Variants in ABR observed in about 807,000 individuals in gnomAD.
ABR encodes the protein active breakpoint cluster region-related protein.
A neutral mutation model predicts 107.2 loss-of-function variants in ABR; 35 were observed. The observed-to-expected ratio is 0.33, with a 90% CI of 0.25 to 0.43. ABR has a LOEUF of 0.43. Ranked by LOEUF, ABR falls within the 20% of genes least tolerant of loss-of-function variation. The probability of loss-of-function intolerance (pLI) is 1.00; values close to 1 mark genes in which losing one functional copy is unlikely to be tolerated. For missense variants in ABR, 815 were observed against 1,115.2 expected (o/e 0.73, Z 3.83); for synonymous variants, 498 against 462.0 (o/e 1.08, Z -1.00).
intron 16 of ABR, among the ~76,000 whole-genome samples, chr17:1,046,208 G>A (rs535770701): frequency 5.9e-5 from 9 of 151,464 alleles, no homozygotes; most frequent in African/African-American, 2.2e-4. Context: ...GTTTCGCCAT[G>A]TTGGCCAGGC....
chr17:1,009,571 C>CGTT, intron 21 of ABR, 108 bp downstream of exon 21: 1 of 916,760 alleles, frequency 1.1e-6, no homozygotes. Flanking sequence ...GGCCACTCCC[C>CGTT]GTTACCTTTT....
At chr17:1,167,326 G>A (rs909843514) in intron 1 of ABR, among the ~76,000 whole-genome samples, 4 of 151,462 alleles carry the variant, frequency 2.6e-5, no homozygotes, top group African/African-American at 4.9e-5. Context: ...AGAGCACTTC[G>A]TCTCTTCATA....
chr17:1,144,687 TTC>T (rs2040457374), intron 1 of ABR, among the ~76,000 whole-genome samples: 1 of 150,904 alleles, frequency 6.6e-6, no homozygotes, highest in Non-Finnish European at 1.5e-5. Context: ...AGGTCAGGAG[TTC>T]GAGACCAGCC....
At chr17:1,022,125 A>C (rs1216206235) in intron 16 of ABR, among the ~76,000 whole-genome samples, 1 of 150,886 alleles carries the variant, frequency 6.6e-6, no homozygotes. Flanking sequence ...AAAAAAAAAA[A>C]CAGAAAATGA....
rs544844663 is a variant in ABR at position 1,179,820 on chromosome 17, C to G, written c.-93G>C. On this transcript the variant is annotated 5_prime_UTR_variant, in exon 1 of 23. Coordinates refer to ENST00000302538, the MANE Select transcript of ABR (RefSeq NM_021962.5). This position sits in a 1 kb window ranked among gnomAD's most constrained non-coding sequence, Gnocchi z 4.9. ...CGGGAGCCGGGGGAGGCCGAAGTTG[C>G]GAGCGCGGAGGGGCGAGGAGGCCGG... 4.7e-6 allele frequency: 6 copies of G among 1,285,774 alleles called. No homozygotes were observed. Among genetic ancestry groups the G allele is most frequent in the South Asian group, 3.6e-5 (2 of 55,800 alleles). The allele number at this position is 1,285,774 out of a possible 1,614,324, so 79.6% of individuals were successfully genotyped here.
rs931766169 is a variant in ABR at position 1,154,785 on chromosome 17, T to A, written c.61+24882A>T. On this transcript the variant is annotated intron_variant, in intron 1 of 22. Coordinates refer to ENST00000302538, the MANE Select transcript of ABR (RefSeq NM_021962.5). The surrounding 1 kb of genome is among the most constrained non-coding windows in gnomAD (Gnocchi z 4.0). ...CGCCCTCCCAAGGCCGGTGTCCTGGTGACGATGCCACTAGTGCCAAGAATG... is the reference window on the plus strand; with the variant it reads ...CGCCCTCCCAAGGCCGGTGTCCTGGAGACGATGCCACTAGTGCCAAGAATG... The A allele has an allele frequency of 1.3e-5, 2 of 152,276 alleles. No homozygotes were observed. Among genetic ancestry groups the A allele is most frequent in the Non-Finnish European group, 2.9e-5 (2 of 68,150 alleles). 9.4% of individuals were successfully genotyped at this position (152,276 alleles called of 1,614,324 possible).
chr17:1,219,162 C>T (rs2043068395), intron 1 of ABR, among the ~76,000 whole-genome samples: 2 of 152,120 alleles, frequency 1.3e-5, no homozygotes, highest in Admixed American at 6.6e-5. Context: ...CCTGCCTCAG[C>T]CTCTCGAGTA....
At chr17:1,044,576 G>C (rs1238425179) in intron 16 of ABR, among the ~76,000 whole-genome samples, 1 of 151,906 alleles carries the variant, frequency 6.6e-6, no homozygotes, top group Non-Finnish European at 1.5e-5. Context: ...GCGTGAACCT[G>C]GGAGGCAGAG....
chr17:1,072,839 A>AG (rs923293705), intron 7 of ABR, 85 bp from the exon 8 acceptor site: 109 of 1,493,940 alleles, frequency 7.3e-5, no homozygotes, highest in Admixed American at 4.8e-4. Context: ...CCCCATCCAA[A>AG]GGGTGGGCAC....
intron 1 of ABR, among the ~76,000 whole-genome samples, chr17:1,178,893 C>T (rs1272408798): frequency 6.6e-6 from 1 of 151,934 alleles, no homozygotes; most frequent in Admixed American, 6.5e-5. Context: ...CGCCCCAAGC[C>T]CCCCCACACC....
intron 1 of ABR, among the ~76,000 whole-genome samples, chr17:1,145,141 T>C (rs935970235): frequency 9.9e-5 from 15 of 152,240 alleles, no homozygotes; most frequent in African/African-American, 3.6e-4. Context: ...GTGGTGGCCC[T>C]CTTCTGCTCA....
At position 1,203,457 on chromosome 17, in the gene ABR, C is replaced by T. The variant is rs1161845401; in HGVS notation, c.838+25336G>A. On this transcript the variant is annotated intron_variant, in intron 1 of 22. Coordinates refer to the ABR transcript ENST00000574139. ...GGGGACGGAGTCTGCGGGGGCGGGG[C>T]CCGCGGGGACGGAGTCTGCGGGGGC... is the stretch of plus-strand genomic sequence containing the variant. Among the ~76,000 whole-genome samples, 30 of 16,592 alleles carry T rather than the reference C, an allele frequency of 1.8e-3. 1 individual carries two copies. The highest frequency in any genetic ancestry group is 8.5e-3 in the East Asian group (1 of 118). The allele number at this position is 16,592 out of a possible 152,430, so 10.9% of individuals were successfully genotyped here.
chr17:1,073,155 G>A (rs1041800879), intron 7 of ABR, among the ~76,000 whole-genome samples: 42 of 148,716 alleles, frequency 2.8e-4, no homozygotes, highest in African/African-American at 1.0e-3. Context: ...ACTCCAGCCT[G>A]GGTGACAGAG....
At chr17:1,073,717 G>T (rs777684839) in intron 6 of ABR, 40 bp from the exon 7 acceptor site, 4 of 1,561,792 alleles carry the variant, frequency 2.6e-6, no homozygotes, top group Admixed American at 1.8e-5. Flanking sequence ...GAGGATGATG[G>T]ACGAGGGCAA....
intron 4 of ABR, among the ~76,000 whole-genome samples, chr17:1,089,817 G>C (rs927495460): frequency 1.3e-5 from 2 of 152,198 alleles, no homozygotes; most frequent in Non-Finnish European, 2.9e-5. Flanking sequence ...AAAATTAGCC[G>C]GGTGTGATGG....
In ABR at chr17:1,024,800, A is replaced by T. The variant is rs1176157053; in HGVS notation, c.1792-11636T>A. 1.3e-3 allele frequency among the ~76,000 whole-genome samples: 193 copies of T among 150,146 alleles called. 1 individual carries two copies. The highest frequency in any genetic ancestry group is 4.4e-3 in the African/African-American group (182 of 40,968). ...GACTCCCACAAAAAAAAAAAAAAAA[A>T]AAATTAAAAATGTAAAACAAAATTC... On this transcript the variant is annotated intron_variant, in intron 16 of 22. Coordinates refer to ENST00000302538, the MANE Select transcript of ABR (RefSeq NM_021962.5).
Position 1,070,600 on chromosome 17 carries a change from G to A in ABR, c.895-510C>T, listed in dbSNP as rs1046508340. ...CGAGACCCGAGACCCACTCAGGCCTGTCTGTGCTACTCCTCCCTGGCTTCT... is the reference window on the plus strand; with the variant it reads ...CGAGACCCGAGACCCACTCAGGCCTATCTGTGCTACTCCTCCCTGGCTTCT... On this transcript the variant is annotated intron_variant, in intron 8 of 22. Transcript: ENST00000302538. The surrounding 1 kb of genome is among the most constrained non-coding windows in gnomAD (Gnocchi z 4.2). Among the ~76,000 whole-genome samples the A allele has an allele frequency of 1.3e-5, 2 of 151,820 alleles. No homozygotes were observed. The highest frequency in any genetic ancestry group is 4.8e-5 in the African/African-American group (2 of 41,308).
chr17:1,119,441 C>T (rs1306347649), intron 2 of ABR, among the ~76,000 whole-genome samples: 1 of 141,102 alleles, frequency 7.1e-6, no homozygotes, highest in Admixed American at 7.2e-5. Context: ...TTCCTCCCAG[C>T]GTTATCCCTG....
In ABR at chr17:1,175,402, ACT is replaced by A. The variant is rs141989447; in HGVS notation, c.61+4263_61+4264del. On this transcript the variant is annotated intron_variant, in intron 1 of 22. Transcript: ENST00000302538. ...ACTCCAGCCTGGGCGAGAGAGCGAG[ACT>A]CTGTCTCAAAAAAAAGAGAGCCTCA... 9.7e-3 allele frequency among the ~76,000 whole-genome samples: 1,472 copies of A among 152,234 alleles called. 7 individuals are homozygous for A. Among genetic ancestry groups the A allele is most frequent in the Middle Eastern group, 0.024 (7 of 294 alleles).
Sources: gnomAD v4.1 joint callset for allele counts (sites outside exome capture counted in the v4.1 genomes callset) on GRCh38, gnomAD v4.1.1 for gene constraint, Gnocchi (gnomAD v3.1) non-coding constraint, MANE v1.5 for transcripts, NCBI Gene and HGNC (gene_info 2026-07-23, HGNC 2026-07-21) for gene names.